PDGFC: variants seen among roughly 807,000 people sequenced by gnomAD.
The protein encoded by PDGFC is platelet-derived growth factor C.
In PDGFC, 12 loss-of-function variants were observed where a neutral mutation model predicts 35.5. That is an observed-to-expected ratio of 0.34 (90% CI 0.22 to 0.55). The LOEUF is 0.55. PDGFC is among the 20% of genes least tolerant of loss of function. PDGFC has a pLI of 0.91. For missense variants in PDGFC, 322 were observed against 412.4 expected, an observed-to-expected ratio of 0.78 and a Z score of 1.90; for synonymous variants, 159 against 148.8, an observed-to-expected ratio of 1.07 and a Z score of -0.50.
At chr4:156,836,316 T>C (rs1729062366) in intron 2 of PDGFC, among the ~76,000 whole-genome samples, 1 of 152,206 alleles carries the variant, frequency 6.6e-6, no homozygotes. Context: ...ACTATGTAAA[T>C]CCTGCTTTAG....
chr4:156,773,870 A>G lies in PDGFC; in HGVS notation c.496-977T>C, dbSNP rs577481623. On this transcript the variant is annotated intron_variant, in intron 3 of 5. Transcript: ENST00000502773. ...GCACATGGAAATATGTTCAATGATTAGAAAGACTGGAAGCAATCTAAATGC... is the reference window on the plus strand; with the variant it reads ...GCACATGGAAATATGTTCAATGATTGGAAAGACTGGAAGCAATCTAAATGC... Among the ~76,000 whole-genome samples, 73 of 152,324 alleles carry G rather than the reference A, an allele frequency of 4.8e-4. No homozygotes were observed. In the South Asian group the frequency reaches 8.7e-3, roughly 18 times the overall value.
intron 1 of PDGFC, among the ~76,000 whole-genome samples, chr4:156,917,206 C>T (rs1035819613): frequency 1.3e-5 from 2 of 152,298 alleles, no homozygotes. Flanking sequence ...CTATTCATCA[C>T]TCAACCCATT....
At chr4:156,848,778 G>C (rs1222355356) in intron 2 of PDGFC, among the ~76,000 whole-genome samples, 1 of 151,960 alleles carries the variant, frequency 6.6e-6, no homozygotes, top group African/African-American at 2.4e-5. Flanking sequence ...TTAGGACAAT[G>C]ATTATATTTG....
intron 2 of PDGFC, among the ~76,000 whole-genome samples, chr4:156,836,468 T>C (rs747990389): frequency 3.3e-5 from 5 of 152,354 alleles, no homozygotes; most frequent in Middle Eastern, 6.8e-3. Flanking sequence ...ATAGTCTATA[T>C]ACCAACTGAA....
At chr4:156,833,072 A>G (rs1728983368) in intron 2 of PDGFC, among the ~76,000 whole-genome samples, 1 of 152,340 alleles carries the variant, frequency 6.6e-6, no homozygotes, top group African/African-American at 2.4e-5. Context: ...GAATTTCTGA[A>G]GGCAAATATC....
chr4:156,901,595 C>CATTATTATT (rs111503240), intron 1 of PDGFC, among the ~76,000 whole-genome samples: 98 of 150,448 alleles, frequency 6.5e-4, no homozygotes, highest in Middle Eastern at 7.1e-3. Context: ...GTATCTATTT[C>CATTATTATT]ATTATTATTA....
rs1161229787 is a variant in PDGFC, at chr4:156,825,579, A to AAGAAGAAGAAGAAGAAGAAGAAGAAGG, written c.315-14563_315-14562insCCTTCTTCTTCTTCTTCTTCTTCTTCT. Among the ~76,000 whole-genome samples the AAGAAGAAGAAGAAGAAGAAGAAGAAGG allele has an allele frequency of 7.2e-5, 8 of 110,808 alleles. 1 individual carries two copies. The highest frequency in any genetic ancestry group is 3.3e-4 in the African/African-American group (8 of 24,590). The allele number at this position is 110,808 out of a possible 152,430, so 72.7% of individuals were successfully genotyped here. On this transcript the variant is annotated intron_variant, in intron 2 of 5. Coordinates refer to ENST00000502773, the MANE Select transcript of PDGFC (RefSeq NM_016205.3). ...TAATAATAATAATAATAATAATAAT[A>AAGAAGAAGAAGAAGAAGAAGAAGAAGG]ATAATAATAATAATAAGAAGAAGAA...
At position 156,798,248 on chromosome 4, in the gene PDGFC, G is replaced by A. The variant is rs1016851520; in HGVS notation, c.495+12589C>T. Among the ~76,000 whole-genome samples, 3 of 152,142 alleles carry A rather than the reference G, an allele frequency of 2.0e-5. No individual in the cohort carries two copies. The East Asian group carries it at 5.8e-4, about 29-fold the overall frequency. The stretch of plus-strand genomic sequence containing the variant: ...CAACAACAACAAAAACCTTAAAGAG[G>A]CAGCTTTAGGCTAAACCTCATTTAA... On this transcript the variant is annotated intron_variant, in intron 3 of 5. Coordinates refer to ENST00000502773, the MANE Select transcript of PDGFC (RefSeq NM_016205.3).
intron 2 of PDGFC, among the ~76,000 whole-genome samples, chr4:156,816,917 T>A (rs1201962818): frequency 1.3e-5 from 2 of 152,162 alleles, no homozygotes; most frequent in African/African-American, 4.8e-5. Flanking sequence ...GCCTATAAAT[T>A]TTATAGAGAT....
At chr4:156,824,327 T>TATACACACATATACACATAC (rs1491500876) in intron 2 of PDGFC, among the ~76,000 whole-genome samples, 4 of 102,836 alleles carry the variant, frequency 3.9e-5, no homozygotes, top group African/African-American at 1.8e-4. Flanking sequence ...TATATATATA[T>TATACACACATATACACATAC]ACACACACAC....
intron 2 of PDGFC, among the ~76,000 whole-genome samples, chr4:156,833,399 CAG>C (rs1728990843): frequency 6.6e-6 from 1 of 152,086 alleles, no homozygotes; most frequent in South Asian, 2.1e-4. Flanking sequence ...CACAATGAAA[CAG>C]AGAGAATAAA....
chr4:156,804,345 C>T (rs1160308421), intron 3 of PDGFC, among the ~76,000 whole-genome samples: 1 of 151,914 alleles, frequency 6.6e-6, no homozygotes, highest in Non-Finnish European at 1.5e-5. Context: ...TGAGTATCAC[C>T]CCAGACCAAG....
intron 1 of PDGFC, among the ~76,000 whole-genome samples, chr4:156,858,434 C>G (rs2111106213): frequency 1.3e-5 from 2 of 152,040 alleles, no homozygotes; most frequent in South Asian, 4.1e-4. Flanking sequence ...TATTACATAC[C>G]AATTAGTAAT....
At chr4:156,895,976 T>C (rs1176327891) in intron 1 of PDGFC, among the ~76,000 whole-genome samples, 2 of 152,040 alleles carry the variant, frequency 1.3e-5, no homozygotes, top group Admixed American at 6.5e-5. Context: ...AGAAGGTAAT[T>C]TAGTTAAATC....
At chr4:156,905,462 A>T (rs946668706) in intron 1 of PDGFC, among the ~76,000 whole-genome samples, 1 of 152,102 alleles carries the variant, frequency 6.6e-6, no homozygotes, top group Non-Finnish European at 1.5e-5. Context: ...TGCAATGCGT[A>T]AACTGAAATC....
At chr4:156,835,603 C>A (rs766015211) in intron 2 of PDGFC, among the ~76,000 whole-genome samples, 6 of 152,164 alleles carry the variant, frequency 3.9e-5, no homozygotes, top group Admixed American at 2.0e-4. Context: ...ATAACCCAAT[C>A]TCACTATATT....
chr4:156,772,629 T>C, intron 4 of PDGFC, 57 bp downstream of exon 4: 6 of 1,115,486 alleles, frequency 5.4e-6, no homozygotes, highest in Non-Finnish European at 8.1e-6. Context: ...CAGAAGAATC[T>C]GAAACATTAG....
intron 5 of PDGFC, among the ~76,000 whole-genome samples, chr4:156,766,578 C>T (rs1263352053): frequency 6.6e-6 from 1 of 152,120 alleles, no homozygotes; most frequent in Non-Finnish European, 1.5e-5. Context: ...TGAAAATCTG[C>T]CCTTCTGGCT....
At chr4:156,782,530 A>G (rs1444456111) in intron 3 of PDGFC, among the ~76,000 whole-genome samples, 3 of 152,198 alleles carry the variant, frequency 2.0e-5, no homozygotes, top group Non-Finnish European at 4.4e-5. Flanking sequence ...ACATTTTTAA[A>G]TCACTCTGTG....
Sources: allele counts gnomAD v4.1 joint callset (sites outside exome capture counted in the v4.1 genomes callset), GRCh38; gene constraint gnomAD v4.1.1; transcripts MANE v1.5; gene names NCBI Gene and HGNC (gene_info 2026-07-23, HGNC 2026-07-21).